Variants in ACTR3C observed in about 807,000 individuals in gnomAD.
ACTR3C encodes actin-related protein 3C.
In ACTR3C, 18 loss-of-function variants were observed where a neutral mutation model predicts 26.3. That is an observed-to-expected ratio of 0.68 (90% CI 0.47 to 1.01). ACTR3C has a LOEUF of 1.01. ACTR3C is among the 50% of genes least tolerant of loss of function. ACTR3C has a pLI of 0.00. For missense variants in ACTR3C, 184 were observed against 250.7 expected (o/e 0.73, Z 1.80); for synonymous variants, 55 against 94.5 (o/e 0.58, Z 2.42).
At chr7:150,227,014 C>A in the ACTR3C span, among the ~76,000 whole-genome samples, 15,967 of 128,100 alleles carry the variant, frequency 0.12, 2,534 homozygotes, top group African/African-American at 0.33. Context: ...TAAATTAGCA[C>A]ATTGTGTATA....
chr7:150,005,766 TC>T, the ACTR3C span, among the ~76,000 whole-genome samples: 1 of 152,240 alleles, frequency 6.6e-6, no homozygotes, highest in Non-Finnish European at 1.5e-5. Context: ...CGAGAGACTT[TC>T]TCAAATGCTT....
chr7:150,063,844 G>C, the ACTR3C span, among the ~76,000 whole-genome samples: 103 of 152,280 alleles, frequency 6.8e-4, no homozygotes, highest in African/African-American at 2.4e-3. Context: ...TTATGGATGA[G>C]TGGTGCAGAC....
the ACTR3C span, among the ~76,000 whole-genome samples, chr7:150,021,086 G>A: frequency 7.9e-5 from 12 of 151,898 alleles, no homozygotes; most frequent in Non-Finnish European, 1.5e-4. Flanking sequence ...CTCCCAAAGC[G>A]CTGGGATTAT....
chr7:149,981,045 T>C, the ACTR3C span, among the ~76,000 whole-genome samples: 1 of 151,750 alleles, frequency 6.6e-6, no homozygotes, highest in Non-Finnish European at 1.5e-5. Context: ...TGGATGGTTG[T>C]GTATTCACAA....
the ACTR3C span, among the ~76,000 whole-genome samples, chr7:149,886,606 A>G: frequency 7.9e-5 from 12 of 152,270 alleles, no homozygotes; most frequent in Non-Finnish European, 1.6e-4. Flanking sequence ...ATGAACACAC[A>G]GACGACTCAA....
the ACTR3C span, among the ~76,000 whole-genome samples, chr7:149,974,976 A>G: frequency 1.3e-5 from 2 of 152,158 alleles, no homozygotes; most frequent in African/African-American, 2.4e-5. Context: ...AAAGAAAACA[A>G]TGAATTTTTG....
intron 1 of ACTR3C, among the ~76,000 whole-genome samples, chr7:150,306,294 G>C (rs1473997817): frequency 1.3e-5 from 2 of 151,918 alleles, no homozygotes; most frequent in Non-Finnish European, 2.9e-5. Flanking sequence ...CTGTGTGGTG[G>C]TCCATATTTG....
At chr7:150,241,792 CTA>C, downstream of ACTR3C, among the ~76,000 whole-genome samples, 1 of 152,210 alleles carries the variant, frequency 6.6e-6, no homozygotes, top group Non-Finnish European at 1.5e-5. Flanking sequence ...AAAAGACAAG[CTA>C]TCAATAGAAA....
At chr7:150,221,979 C>CAG in the ACTR3C span, among the ~76,000 whole-genome samples, 1 of 120,064 alleles carries the variant, frequency 8.3e-6, no homozygotes, top group Middle Eastern at 6.4e-3. Flanking sequence ...GCCTGGGCAA[C>CAG]AGAGAGAGAC....
the ACTR3C span, among the ~76,000 whole-genome samples, chr7:150,039,743 G>C: frequency 7.1e-6 from 1 of 141,716 alleles, no homozygotes; most frequent in Admixed American, 7.2e-5. Flanking sequence ...CGCGGGGGGT[G>C]CCTCCCCCTC....
At chr7:149,951,805 A>T in the ACTR3C span, among the ~76,000 whole-genome samples, 1 of 150,036 alleles carries the variant, frequency 6.7e-6, no homozygotes, top group Admixed American at 6.6e-5. Flanking sequence ...AACAACTGGC[A>T]GATGGTGTGT....
rs184865294 is a variant in ACTR3C, at chr7:150,272,484, C to T, written c.564+12269G>A. Among the ~76,000 whole-genome samples the T allele has an allele frequency of 4.2e-4, 59 of 139,174 alleles. 12 individuals carry two copies. The highest frequency in any genetic ancestry group is 6.1e-4 in the Non-Finnish European group (41 of 67,130). The allele number at this position is 139,174 out of a possible 152,430, so 91.3% of individuals were successfully genotyped here. A position where few individuals can be genotyped will look rare whatever the true frequency, so the allele number is the denominator to read the frequency against. ...TGATGGCTTAAATGTGGCTTACAGG[C>T]GTCACTTGCTTTGGTTTCTTATCAC... On this transcript the variant is annotated intron_variant, in intron 6 of 7. Transcript: ENST00000683684.
intron 6 of ACTR3C, among the ~76,000 whole-genome samples, chr7:150,252,956 A>G (rs1475972437): frequency 2.0e-5 from 3 of 151,102 alleles, no homozygotes; most frequent in Non-Finnish European, 2.9e-5. Flanking sequence ...GCAGATGACA[A>G]CTCTGCAGAT....
At chr7:150,126,050 G>T in the ACTR3C span, among the ~76,000 whole-genome samples, 6 of 152,162 alleles carry the variant, frequency 3.9e-5, no homozygotes, top group Non-Finnish European at 7.3e-5. Context: ...TCTCTCTGAT[G>T]ACACAGCGCT....
At chr7:150,248,795 C>T (rs1337748270) in intron 7 of ACTR3C, 153 bp downstream of exon 7, 34 of 388,168 alleles carry the variant, frequency 8.8e-5, no homozygotes, top group Non-Finnish European at 1.5e-4. Flanking sequence ...ATAAAGATGA[C>T]TCAGGTGCTG....
chr7:149,917,524 A>AT, the ACTR3C span, among the ~76,000 whole-genome samples: 1 of 152,020 alleles, frequency 6.6e-6, no homozygotes, highest in East Asian at 1.9e-4. Flanking sequence ...ATTTATATAT[A>AT]ATTGAAACTC....
At chr7:150,320,718 G>A (rs1430978964) in intron 1 of ACTR3C, among the ~76,000 whole-genome samples, 2 of 152,156 alleles carry the variant, frequency 1.3e-5, no homozygotes, top group Non-Finnish European at 2.9e-5. Context: ...AGCCGAGATG[G>A]TGGCATTGCA....
the ACTR3C span, among the ~76,000 whole-genome samples, chr7:149,899,475 T>A: frequency 7.1e-6 from 1 of 140,336 alleles, no homozygotes; most frequent in Non-Finnish European, 1.6e-5. Flanking sequence ...TCACAATAAC[T>A]GAAATAAAAA....
At chr7:150,277,915 C>T (rs1239126365) in intron 6 of ACTR3C, among the ~76,000 whole-genome samples, 1 of 152,196 alleles carries the variant, frequency 6.6e-6, no homozygotes, top group Non-Finnish European at 1.5e-5. Context: ...TACACTCCTG[C>T]AGAAAATTGT....
Sources: gnomAD v4.1 joint callset for allele counts (sites outside exome capture counted in the v4.1 genomes callset) on GRCh38, gnomAD v4.1.1 for gene constraint, MANE v1.5 for transcripts, NCBI Gene and HGNC (gene_info 2026-07-23, HGNC 2026-07-21) for gene names.